AGK: variants seen among roughly 807,000 people sequenced by gnomAD.
The protein encoded by AGK is acylglycerol kinase.
Under a neutral mutation model 66.4 loss-of-function variants are expected in AGK, and 52 were observed. That is an observed-to-expected ratio of 0.78 (90% CI 0.63 to 0.99). The LOEUF (loss-of-function observed/expected upper bound fraction) is 0.99, where lower values mean the gene tolerates loss of function less well. AGK is among the 50% of genes least tolerant of loss of function. The pLI is 0.00. For synonymous variants in AGK, 182 were observed against 181.1 expected (o/e 1.00, Z -0.04); for missense variants, 451 against 506.6 (o/e 0.89, Z 1.05).
intron 9 of AGK, among the ~76,000 whole-genome samples, chr7:141,622,160 A>G (rs1796840030): frequency 6.6e-6 from 1 of 150,832 alleles, no homozygotes; most frequent in Non-Finnish European, 1.5e-5. Context: ...GCACAATCTC[A>G]GCTCACTGCA....
chr7:141,644,657 A>T (rs1436016807), intron 13 of AGK, among the ~76,000 whole-genome samples: 1 of 152,192 alleles, frequency 6.6e-6, no homozygotes, highest in Non-Finnish European at 1.5e-5. Context: ...TATTTTATAT[A>T]TGTATTATTT....
intron 9 of AGK, among the ~76,000 whole-genome samples, chr7:141,633,306 A>G (rs1007872739): frequency 1.3e-5 from 2 of 152,184 alleles, no homozygotes; most frequent in East Asian, 1.9e-4. Flanking sequence ...CATTGGCTGT[A>G]TTGTGCATTT....
intron 6 of AGK, among the ~76,000 whole-genome samples, chr7:141,612,608 T>C (rs928900878): frequency 7.2e-5 from 11 of 152,122 alleles, no homozygotes; most frequent in African/African-American, 2.4e-4. Flanking sequence ...AGGATGTTGA[T>C]AATGGGCGGA....
At chr7:141,586,279 A>G (rs1795993352) in intron 2 of AGK, among the ~76,000 whole-genome samples, 1 of 152,116 alleles carries the variant, frequency 6.6e-6, no homozygotes, top group South Asian at 2.1e-4. Context: ...TTCATCCTGT[A>G]CTACACCATA....
At chr7:141,567,446 A>G (rs951376611) in intron 2 of AGK, among the ~76,000 whole-genome samples, 1 of 151,342 alleles carries the variant, frequency 6.6e-6, no homozygotes, top group African/African-American at 2.4e-5. Context: ...TTTTTTCTCC[A>G]TTGAGAATTC....
intron 2 of AGK, among the ~76,000 whole-genome samples, chr7:141,556,458 T>G (rs1795211647): frequency 6.6e-6 from 1 of 151,628 alleles, no homozygotes. Flanking sequence ...GGAGAATCGC[T>G]TGAGCCTGGG....
chr7:141,644,094 TA>T (rs11320468), intron 13 of AGK, among the ~76,000 whole-genome samples: 56,005 of 147,212 alleles, frequency 0.38, 11,070 homozygotes, highest in East Asian at 0.53. Context: ...ATGTGAATGC[TA>T]AAAAAAAAAA....
chr7:141,628,766 A>C (rs900831755), intron 9 of AGK, among the ~76,000 whole-genome samples: 3 of 152,140 alleles, frequency 2.0e-5, no homozygotes, highest in African/African-American at 7.2e-5. Flanking sequence ...TTTCTTTCTC[A>C]TAGTCTGTTG....
At chr7:141,628,773 G>A (rs932184618) in intron 9 of AGK, among the ~76,000 whole-genome samples, 5 of 152,158 alleles carry the variant, frequency 3.3e-5, no homozygotes, top group African/African-American at 1.2e-4. Flanking sequence ...CTCATAGTCT[G>A]TTGGTTTTTC....
rs1421696463 is a variant in AGK, at chr7:141,577,340, C to T, written c.102-15806C>T. On this transcript the variant is annotated intron_variant, in intron 2 of 15. Transcript: ENST00000649286. ...TCACAATCCCTTATCTTAATTCAGA[C>T]ATTGCTTTCTACAGATAATAACTTT... Among the ~76,000 whole-genome samples, 3 of 152,210 alleles carry T rather than the reference C, an allele frequency of 2.0e-5. No individual in the cohort carries two copies. The South Asian group carries it at 6.2e-4, about 32-fold the overall frequency.
At chr7:141,624,645 G>A (rs910213869) in intron 9 of AGK, among the ~76,000 whole-genome samples, 7 of 152,176 alleles carry the variant, frequency 4.6e-5, no homozygotes, top group Non-Finnish European at 1.0e-4. Context: ...TGATTGAAAT[G>A]CTTCAATCTT....
At chr7:141,645,171 CT>C (rs1314353535) in intron 13 of AGK, among the ~76,000 whole-genome samples, 1 of 152,060 alleles carries the variant, frequency 6.6e-6, no homozygotes, top group East Asian at 1.9e-4. Flanking sequence ...ATATTGACTC[CT>C]CTAGCATATG....
rs773023729 is a variant in AGK at position 141,652,941 on chromosome 7, ACT to A, written c.*20_*21del. 6.8e-6 allele frequency: 11 copies of A among 1,613,256 alleles called. No individual in the cohort carries two copies. The African/African-American group carries it at 1.3e-4, about 20-fold the overall frequency. On this transcript the variant is annotated 3_prime_UTR_variant, in exon 16 of 16. Coordinates refer to ENST00000649286, the MANE Select transcript of AGK (RefSeq NM_018238.4). ...ACCCAGTGAGCAGCAGAAGACAAGC[ACT>A]CTGAGACCACACTTTAGGCCACCGG...
intron 10 of AGK, 23 bp from the exon 11 acceptor site, chr7:141,636,936 AT>A: frequency 6.2e-7 from 1 of 1,600,940 alleles, no homozygotes; most frequent in Non-Finnish European, 8.5e-7. Context: ...TTCTTATCAG[AT>A]TTTTATCTTG....
chr7:141,618,676 G>C (rs1452299453), intron 8 of AGK, among the ~76,000 whole-genome samples: 3 of 152,054 alleles, frequency 2.0e-5, no homozygotes, highest in Non-Finnish European at 4.4e-5. Flanking sequence ...ATGTTTTGTA[G>C]TCATTCAAAT....
chr7:141,612,358 A>T (rs752719854), intron 6 of AGK, among the ~76,000 whole-genome samples: 5 of 152,236 alleles, frequency 3.3e-5, no homozygotes, highest in Non-Finnish European at 5.9e-5. Context: ...TTGTTAGGGC[A>T]GTGAAACTAT....
intron 2 of AGK, among the ~76,000 whole-genome samples, chr7:141,590,860 C>A (rs551566860): frequency 6.6e-6 from 1 of 152,098 alleles, no homozygotes; most frequent in South Asian, 2.1e-4. Flanking sequence ...TTCAAAAAAA[C>A]ATGAATATTT....
rs1376771249 is a variant in AGK at position 141,615,885 on chromosome 7, C to T, written c.518+320C>T. On this transcript the variant is annotated intron_variant, in intron 8 of 15. Transcript: ENST00000649286. ...ATTCTTTAGTGAAGACATATTTGTG[C>T]TGCTCATTTGTTTGCTTTAAGTATA... The T allele has an allele frequency of 5.9e-5, 14 of 239,068 alleles. No individual in the cohort carries two copies. In the Admixed American group the frequency reaches 7.6e-4, roughly 13 times the overall value. 14.8% of individuals were successfully genotyped at this position (239,068 alleles called of 1,614,324 possible).
intron 2 of AGK, among the ~76,000 whole-genome samples, chr7:141,567,650 T>G (rs951412106): frequency 6.6e-6 from 1 of 152,224 alleles, no homozygotes; most frequent in Non-Finnish European, 1.5e-5. Context: ...GTTTAAGGAT[T>G]GCTCATTCCT....
Sources: gnomAD v4.1 joint callset for allele counts (sites outside exome capture counted in the v4.1 genomes callset) on GRCh38, gnomAD v4.1.1 for gene constraint, MANE v1.5 for transcripts, NCBI Gene and HGNC (gene_info 2026-07-23, HGNC 2026-07-21) for gene names.